Variants in MEF2A observed in about 807,000 individuals in gnomAD.
MEF2A encodes myocyte enhancer factor 2A.
Under a neutral mutation model 55.8 loss-of-function variants are expected in MEF2A, and 28 were observed. The ratio of observed to expected loss-of-function variants is 0.50; its 90% CI spans 0.37 to 0.69. The LOEUF is 0.69. MEF2A is among the 30% of genes least tolerant of loss of function. The probability of loss-of-function intolerance (pLI) is 0.00; values close to 1 mark genes in which losing one functional copy is unlikely to be tolerated. For synonymous variants in MEF2A, 239 were observed against 227.1 expected (o/e 1.05, Z -0.47); for missense variants, 528 against 626.2 (o/e 0.84, Z 1.67).
At chr15:99,684,681 G>A (rs993970117) in intron 7 of MEF2A, among the ~76,000 whole-genome samples, 3 of 152,102 alleles carry the variant, frequency 2.0e-5, no homozygotes, top group African/African-American at 7.2e-5. Context: ...CTTTTGCTGT[G>A]CAGAAGGTTT....
chr15:99,671,345 A>C lies in MEF2A; in HGVS notation c.281A>C (p.Asn94Thr), dbSNP rs368757733. Residue 94 changes from asparagine to threonine, a missense_variant, in exon 5 of 12, where the codon AAT becomes ACT. This residue lies in a region of MEF2A where 78 missense variants were observed against 150.9 expected (regional missense o/e 0.52). Coordinates refer to ENST00000557942, the MANE Select transcript of MEF2A (RefSeq NM_001319206.4). ...IVETLRKKGL[N>T]GCESPDADDY... ...CAGACTTTAAGAAAGAAAGGCCTTA[A>C]TGGTTGTGAGAGCCCTGATGCTGAC... 1.2e-6 allele frequency: 2 copies of C among 1,611,280 alleles called. No homozygotes were observed. The highest frequency in any genetic ancestry group is 2.7e-5 in the African/African-American group (2 of 74,858).
chr15:99,591,599 G>T (rs151328064), intron 1 of MEF2A, among the ~76,000 whole-genome samples: 1 of 151,916 alleles, frequency 6.6e-6, no homozygotes, highest in Non-Finnish European at 1.5e-5. Context: ...GCCCTATTTC[G>T]TCATGTATTT....
intron 3 of MEF2A, among the ~76,000 whole-genome samples, chr15:99,644,823 C>T (rs2045674373): frequency 6.6e-6 from 1 of 152,156 alleles, no homozygotes; most frequent in Non-Finnish European, 1.5e-5. Flanking sequence ...AACTCTTGCT[C>T]ACCCCAAGGA....
intron 8 of MEF2A, among the ~76,000 whole-genome samples, chr15:99,700,180 GTA>G (rs111775000): frequency 0.11 from 4,662 of 41,258 alleles, 456 homozygotes; most frequent in African/African-American, 0.19. Flanking sequence ...ATATATGTGT[GTA>G]TATATACACA....
At chr15:99,636,254 A>G (rs1187468391) in intron 3 of MEF2A, among the ~76,000 whole-genome samples, 1 of 152,122 alleles carries the variant, frequency 6.6e-6, no homozygotes, top group African/African-American at 2.4e-5. Context: ...TTTCTTATTA[A>G]TATGCATTCT....
chr15:99,617,077 G>T (rs1426564657), intron 2 of MEF2A, among the ~76,000 whole-genome samples: 1 of 152,072 alleles, frequency 6.6e-6, no homozygotes, highest in African/African-American at 2.4e-5. Flanking sequence ...TACGAGAATT[G>T]CTTGCTCTTC....
At chr15:99,640,563 T>C (rs1191018795) in intron 3 of MEF2A, among the ~76,000 whole-genome samples, 1 of 150,232 alleles carries the variant, frequency 6.7e-6, no homozygotes, top group African/African-American at 2.4e-5. Context: ...TCTTTTCTTT[T>C]TTTTTTTTTT....
At chr15:99,639,691 A>G (rs1399472097) in intron 3 of MEF2A, among the ~76,000 whole-genome samples, 4 of 152,160 alleles carry the variant, frequency 2.6e-5, no homozygotes, top group African/African-American at 9.7e-5. Context: ...GTAAGTTTGT[A>G]TGATAATTCC....
At chr15:99,646,289 G>A (rs1289366502) in intron 4 of MEF2A, among the ~76,000 whole-genome samples, 4 of 152,010 alleles carry the variant, frequency 2.6e-5, no homozygotes, top group Non-Finnish European at 5.9e-5. Flanking sequence ...CTAATTAAGT[G>A]AAAAAGAAAA....
intron 1 of MEF2A, among the ~76,000 whole-genome samples, chr15:99,575,449 G>C (rs1253719349): frequency 6.6e-6 from 1 of 151,998 alleles, no homozygotes; most frequent in African/African-American, 2.4e-5. Context: ...TTCAGGTTTT[G>C]CATTTTTGGC....
chr15:99,608,774 G>A (rs753057196), intron 2 of MEF2A, among the ~76,000 whole-genome samples: 15 of 151,956 alleles, frequency 9.9e-5, no homozygotes, highest in African/African-American at 2.9e-4. Context: ...GATGGCAGGC[G>A]TCTGTAATCC....
intron 1 of MEF2A, among the ~76,000 whole-genome samples, chr15:99,581,918 G>C (rs569085071): frequency 1.3e-5 from 2 of 152,198 alleles, no homozygotes; most frequent in African/African-American, 4.8e-5. Context: ...TTGAGCAAAA[G>C]AGCCAAAACA....
chr15:99,623,134 T>TTCATACCAATGGACTCATTAG (rs1450851004), intron 2 of MEF2A, among the ~76,000 whole-genome samples: 1 of 152,222 alleles, frequency 6.6e-6, no homozygotes, highest in Non-Finnish European at 1.5e-5. Context: ...CTTTACGTAC[T>TTCATACCAATGGACTCATTAG]TCATACCAAT....
chr15:99,595,961 G>A (rs1971027842), intron 1 of MEF2A, among the ~76,000 whole-genome samples: 2 of 152,066 alleles, frequency 1.3e-5, no homozygotes, highest in African/African-American at 2.4e-5. Context: ...TGGAAGCAAC[G>A]GGATTTGAAG....
rs1276346549 is a variant in MEF2A at position 99,712,741 on chromosome 15, G to A, written c.1488G>A (p.Lys496=). 1 of 1,562,012 alleles carries A rather than the reference G, an allele frequency of 6.4e-7. No individual in the cohort carries two copies. The highest frequency in any genetic ancestry group is 1.2e-5 in the South Asian group (1 of 84,480). ...NTEDRESPSV[K]RMRMDAWVT ...AGGACAGAGAAAGCCCTTCTGTAAA[G>A]CGAATGAGGATGGACGCGTGGGTGA... Residue 496 remains lysine, a synonymous_variant, in exon 12 of 12, where the codon AAG becomes AAA. Coordinates refer to ENST00000557942, the MANE Select transcript of MEF2A (RefSeq NM_001319206.4). This position sits in a 1 kb window ranked among gnomAD's most constrained non-coding sequence, Gnocchi z 4.1.
At chr15:99,572,013 G>GTTTTT (rs36027608) in intron 1 of MEF2A, among the ~76,000 whole-genome samples, 7 of 128,374 alleles carry the variant, frequency 5.5e-5, no homozygotes, top group African/African-American at 5.7e-5. Flanking sequence ...CTCCATAGAA[G>GTTTTT]TTTTTTTTTT....
intron 2 of MEF2A, among the ~76,000 whole-genome samples, chr15:99,611,375 G>T (rs1419754722): frequency 6.6e-6 from 1 of 152,124 alleles, no homozygotes; most frequent in Non-Finnish European, 1.5e-5. Context: ...CTTCAAAAAG[G>T]ATTTTCTCCG....
At chr15:99,667,172 C>T (rs1006205677) in intron 4 of MEF2A, among the ~76,000 whole-genome samples, 3 of 152,138 alleles carry the variant, frequency 2.0e-5, no homozygotes, top group African/African-American at 7.2e-5. Flanking sequence ...TGGGTGGTTT[C>T]ACACTCGTAA....
chr15:99,583,144 T>C (rs1966423260), intron 1 of MEF2A, among the ~76,000 whole-genome samples: 1 of 152,124 alleles, frequency 6.6e-6, no homozygotes, highest in Admixed American at 6.5e-5. Flanking sequence ...TTTCCGTTAG[T>C]TCAGGTGCTT....
Sources: gnomAD v4.1 joint callset for allele counts (sites outside exome capture counted in the v4.1 genomes callset) on GRCh38, gnomAD v4.1.1 for gene constraint, gnomAD v4.1.1 regional missense constraint, Gnocchi (gnomAD v3.1) non-coding constraint, MANE v1.5 for transcripts, NCBI Gene and HGNC (gene_info 2026-07-23, HGNC 2026-07-21) for gene names.